Variants in HDAC4 observed in about 807,000 individuals in gnomAD.
HDAC4 encodes the protein histone deacetylase 4.
A neutral mutation model predicts 135.1 loss-of-function variants in HDAC4; 16 were observed. That is an observed-to-expected ratio of 0.12 (90% CI 0.08 to 0.18). The LOEUF is 0.18. HDAC4 is among the 10% of genes least tolerant of loss of function. The pLI, the probability that HDAC4 is intolerant of heterozygous loss-of-function variation, is 1.00. For missense variants in HDAC4, 1,143 were observed against 1,511.8 expected, an observed-to-expected ratio of 0.76 and a Z score of 4.05; for synonymous variants, 685 against 653.4, an observed-to-expected ratio of 1.05 and a Z score of -0.74.
At chr2:239,383,712 T>G (rs1226933554) in intron 1 of HDAC4, among the ~76,000 whole-genome samples, 10 of 148,742 alleles carry the variant, frequency 6.7e-5, no homozygotes, top group East Asian at 2.0e-4. Context: ...GGGCGTGGGG[T>G]GGGGGGCAGG....
chr2:239,226,554 C>G (rs965274738), intron 3 of HDAC4, among the ~76,000 whole-genome samples: 1 of 152,190 alleles, frequency 6.6e-6, no homozygotes, highest in Non-Finnish European at 1.5e-5. Context: ...TCCACGACGC[C>G]CCAACCAATA....
At chr2:239,160,061 C>G (rs1199738114) in intron 6 of HDAC4, among the ~76,000 whole-genome samples, 1 of 152,216 alleles carries the variant, frequency 6.6e-6, no homozygotes, top group Non-Finnish European at 1.5e-5. Context: ...CCAGTGATTT[C>G]CAAGAAATAC....
intron 3 of HDAC4, among the ~76,000 whole-genome samples, chr2:239,230,204 C>T (rs1445018092): frequency 2.6e-5 from 4 of 152,000 alleles, no homozygotes; most frequent in African/African-American, 9.7e-5. Context: ...AGGGCCTGAA[C>T]TCATTTTTCA....
At chr2:239,140,017 G>C (rs2152901533) in intron 8 of HDAC4, among the ~76,000 whole-genome samples, 1 of 152,338 alleles carries the variant, frequency 6.6e-6, no homozygotes, top group South Asian at 2.1e-4. Flanking sequence ...TCTAGGACAT[G>C]TACGTTACCA....
chr2:239,063,429 C>T (rs2033067887), intron 24 of HDAC4, among the ~76,000 whole-genome samples: 1 of 152,112 alleles, frequency 6.6e-6, no homozygotes, highest in African/African-American at 2.4e-5. Context: ...TGGTCTCGAT[C>T]TCCTGACCTC....
At position 239,115,444 on chromosome 2, in the gene HDAC4, C is replaced by T; in HGVS notation, c.1534-134G>A. On this transcript the variant is annotated intron_variant, in intron 12 of 26. Transcript: ENST00000543185. The surrounding 1 kb of genome is among the most constrained non-coding windows in gnomAD (Gnocchi z 6.3). ...CTCAGGGCACCTTATCACCCTGCCA[C>T]AGGCCAGCAGGCACCTTTATCTCCC... 1.2e-5 allele frequency: 13 copies of T among 1,054,882 alleles called. No individual in the cohort carries two copies. Among genetic ancestry groups the T allele is most frequent in the Non-Finnish European group, 1.7e-5 (12 of 726,342 alleles). 65.3% of individuals were successfully genotyped at this position (1,054,882 alleles called of 1,614,324 possible). A position where few individuals can be genotyped will look rare whatever the true frequency, so the allele number is the denominator to read the frequency against.
chr2:239,075,223 C>CAAAA (rs67188784), intron 22 of HDAC4, among the ~76,000 whole-genome samples: 12 of 31,776 alleles, frequency 3.8e-4, no homozygotes, highest in East Asian at 3.4e-3. Context: ...GACTCCGTCT[C>CAAAA]AAAAAAAAAA....
chr2:239,105,699 G>A (rs940963162), intron 15 of HDAC4, among the ~76,000 whole-genome samples: 1 of 152,192 alleles, frequency 6.6e-6, no homozygotes, highest in African/African-American at 2.4e-5. Flanking sequence ...CCTCGGGCCT[G>A]GGCTTCGGTC....
At chr2:239,092,927 A>C (rs2036655882) in intron 17 of HDAC4, among the ~76,000 whole-genome samples, 1 of 151,786 alleles carries the variant, frequency 6.6e-6, no homozygotes, top group East Asian at 1.9e-4. Flanking sequence ...TTTCGCAATA[A>C]AGACAGGAAA....
At chr2:239,278,943 C>G (rs1259100836) in intron 2 of HDAC4, among the ~76,000 whole-genome samples, 1 of 152,200 alleles carries the variant, frequency 6.6e-6, no homozygotes, top group Non-Finnish European at 1.5e-5. Context: ...CGAGGCCAGC[C>G]TGGGCAATAG....
At chr2:239,106,336 G>C (rs1161270091) in intron 15 of HDAC4, among the ~76,000 whole-genome samples, 1 of 152,164 alleles carries the variant, frequency 6.6e-6, no homozygotes. Context: ...CCTGGGGGTG[G>C]GGGCACATGT....
intron 1 of HDAC4, among the ~76,000 whole-genome samples, chr2:239,354,030 G>A (rs780167773): frequency 7.9e-5 from 12 of 152,014 alleles, no homozygotes; most frequent in Non-Finnish European, 1.5e-4. Context: ...CAATACATGC[G>A]CATCACAGGT....
At chr2:239,154,029 T>C (rs1020141438) in intron 7 of HDAC4, among the ~76,000 whole-genome samples, 1 of 152,220 alleles carries the variant, frequency 6.6e-6, no homozygotes, top group African/African-American at 2.4e-5. Flanking sequence ...TGCTGACATT[T>C]GGGATGGGGG....
intron 2 of HDAC4, among the ~76,000 whole-genome samples, chr2:239,261,934 C>T (rs541932733): frequency 1.3e-3 from 201 of 152,320 alleles, no homozygotes; most frequent in Non-Finnish European, 2.4e-3. Flanking sequence ...GGAGGGTCCT[C>T]GGGTTGCCTG....
rs140983675 is a variant in HDAC4 at position 239,094,892 on chromosome 2, C to T, written c.2280+118G>A. On this transcript the variant is annotated intron_variant, in intron 17 of 26. Coordinates refer to ENST00000543185, the MANE Select transcript of HDAC4 (RefSeq NM_001378414.1). ...TGAAGCCGCACATGGGCAGCCCCTG[C>T]GTATGGAAAACACCTGGCAGCAATT... is the stretch of plus-strand genomic sequence containing the variant. The T allele has an allele frequency of 3.1e-4, 497 of 1,597,670 alleles. 2 individuals are homozygous for T. The African/African-American group carries it at 5.5e-3, about 18-fold the overall frequency.
Position 239,141,962 on chromosome 2 carries a change from G to T in HDAC4, c.866-2166C>A, listed in dbSNP as rs989354071. 9.9e-5 allele frequency among the ~76,000 whole-genome samples: 15 copies of T among 152,124 alleles called. No homozygotes were observed. The highest frequency in any genetic ancestry group is 3.6e-4 in the African/African-American group (15 of 41,426). On this transcript the variant is annotated intron_variant, in intron 8 of 26. Coordinates refer to ENST00000543185, the MANE Select transcript of HDAC4 (RefSeq NM_001378414.1). The surrounding 1 kb of genome is among the most constrained non-coding windows in gnomAD (Gnocchi z 4.9). ...GAACACCATTGGAGGTGCTCAAAAG[G>T]CGTGTGGCTGAAATTGAGTGGAGAG...
Position 239,285,484 on chromosome 2 carries a change from G to C in HDAC4, c.23-48820C>G, listed in dbSNP as rs546718858. On this transcript the variant is annotated intron_variant, in intron 2 of 26. Transcript: ENST00000543185. This position sits in a 1 kb window ranked among gnomAD's most constrained non-coding sequence, Gnocchi z 4.5. ...GGCAGAGGAGCAGTGCCGGCTGCCAGCAAGTGTCTCCGCCGCGGGACCTGT... is the reference window on the plus strand; with the variant it reads ...GGCAGAGGAGCAGTGCCGGCTGCCACCAAGTGTCTCCGCCGCGGGACCTGT... Among the ~76,000 whole-genome samples the C allele has an allele frequency of 2.6e-5, 4 of 152,350 alleles. No individual in the cohort carries two copies. Among genetic ancestry groups the C allele is most frequent in the East Asian group, 3.9e-4 (2 of 5,180 alleles).
intron 12 of HDAC4, among the ~76,000 whole-genome samples, chr2:239,125,645 T>C (rs778017014): frequency 1.3e-5 from 2 of 152,244 alleles, no homozygotes; most frequent in African/African-American, 2.4e-5. Context: ...ACTGCTGGAC[T>C]ATGTTCATAG....
chr2:239,274,644 TG>T (rs752354229), intron 2 of HDAC4, among the ~76,000 whole-genome samples: 5 of 152,322 alleles, frequency 3.3e-5, no homozygotes, highest in African/African-American at 4.8e-5. Context: ...CCAGTGAAGC[TG>T]GGGGGCCCTG....
Sources: gnomAD v4.1 joint callset for allele counts (sites outside exome capture counted in the v4.1 genomes callset) on GRCh38, gnomAD v4.1.1 for gene constraint, Gnocchi (gnomAD v3.1) non-coding constraint, MANE v1.5 for transcripts, NCBI Gene and HGNC (gene_info 2026-07-23, HGNC 2026-07-21) for gene names.